RNGTT: variants seen among roughly 807,000 people sequenced by gnomAD.
RNGTT encodes the protein RNA guanylyltransferase and 5'-phosphatase.
RNGTT carries 33 observed loss-of-function variants against 79.3 expected under a neutral mutation model. The ratio of observed to expected loss-of-function variants is 0.42; its 90% CI spans 0.32 to 0.56. RNGTT has a LOEUF of 0.56. Among genes scored for constraint, RNGTT ranks in the 20% least tolerant of loss-of-function variants. The probability of loss-of-function intolerance (pLI) is 0.17; values close to 1 mark genes in which losing one functional copy is unlikely to be tolerated. For missense variants in RNGTT, 497 were observed against 739.1 expected, an observed-to-expected ratio of 0.67 and a Z score of 3.80; for synonymous variants, 222 against 235.9, an observed-to-expected ratio of 0.94 and a Z score of 0.54.
intron 11 of RNGTT, among the ~76,000 whole-genome samples, chr6:88,839,443 G>C (rs1220654244): frequency 6.6e-6 from 1 of 151,974 alleles, no homozygotes; most frequent in African/African-American, 2.4e-5. Context: ...GGTGGTTCCG[G>C]TCTATAGTTC....
intron 13 of RNGTT, among the ~76,000 whole-genome samples, chr6:88,711,712 C>G (rs1048020561): frequency 1.3e-5 from 2 of 152,164 alleles, no homozygotes; most frequent in Non-Finnish European, 2.9e-5. Context: ...AATACATGAA[C>G]ATAGCAACCA....
intron 13 of RNGTT, among the ~76,000 whole-genome samples, chr6:88,710,762 G>A (rs1347621763): frequency 6.6e-6 from 1 of 152,034 alleles, no homozygotes; most frequent in Non-Finnish European, 1.5e-5. Context: ...AATGACAAAT[G>A]CTCTCTTTTT....
chr6:88,890,359 T>C (rs1783003984), intron 8 of RNGTT, 136 bp downstream of exon 8: 2 of 612,638 alleles, frequency 3.3e-6, no homozygotes, highest in East Asian at 2.9e-5. Flanking sequence ...ACCAAAAATA[T>C]ATAATTTTTG....
At chr6:88,655,605 C>T (rs1019176144) in intron 14 of RNGTT, among the ~76,000 whole-genome samples, 1 of 151,638 alleles carries the variant, frequency 6.6e-6, no homozygotes, top group Non-Finnish European at 1.5e-5. Flanking sequence ...AAATAACTGC[C>T]TTAAAAAAAA....
In RNGTT at chr6:88,636,458, G is replaced by T. The variant is rs564577571; in HGVS notation, c.1507-22063C>A. On this transcript the variant is annotated intron_variant, in intron 14 of 15. Coordinates refer to ENST00000369485, the MANE Select transcript of RNGTT (RefSeq NM_003800.5). ...TAACTCAGGCAGCTAGTCATGGAAG[G>T]TTTCAAACTTACTTCCTCTTACTCC... Among the ~76,000 whole-genome samples, 126 of 152,058 alleles carry T rather than the reference G, an allele frequency of 8.3e-4. 4 individuals carry two copies. In the South Asian group the frequency reaches 0.026, roughly 31 times the overall value.
chr6:88,905,979 T>C (rs1427245230), intron 5 of RNGTT, among the ~76,000 whole-genome samples: 1 of 151,980 alleles, frequency 6.6e-6, no homozygotes, highest in Non-Finnish European at 1.5e-5. Context: ...ACCTCCTCAC[T>C]AGACAAAAAA....
At chr6:88,710,737 A>G (rs1349899463) in intron 13 of RNGTT, among the ~76,000 whole-genome samples, 1 of 152,234 alleles carries the variant, frequency 6.6e-6, no homozygotes, top group Non-Finnish European at 1.5e-5. Flanking sequence ...CAGTGAAAAT[A>G]AAATTTTATA....
At position 88,705,259 on chromosome 6, in the gene RNGTT, G is replaced by C. The variant is rs560219390; in HGVS notation, c.1440-26840C>G. ...CATGGCAGGTGATCAATGGTTGCTC[G>C]GTAGATAAGAAAAAGCAACACAAAC... On this transcript the variant is annotated intron_variant, in intron 13 of 15. Transcript: ENST00000369485. 1.1e-3 allele frequency among the ~76,000 whole-genome samples: 172 copies of C among 152,136 alleles called. 5 individuals are homozygous for C. Among genetic ancestry groups the C allele is most frequent in the African/African-American group, 4.0e-3 (166 of 41,510 alleles).
At chr6:88,642,852 T>G (rs1773375421) in intron 14 of RNGTT, among the ~76,000 whole-genome samples, 2 of 152,340 alleles carry the variant, frequency 1.3e-5, no homozygotes, top group Admixed American at 1.3e-4. Flanking sequence ...AAAAATACTT[T>G]TTCTTCTATA....
At chr6:88,921,231 G>A (rs1784154607) in intron 4 of RNGTT, among the ~76,000 whole-genome samples, 1 of 151,788 alleles carries the variant, frequency 6.6e-6, no homozygotes. Context: ...TTTGTGATGT[G>A]GCAAAGGTTA....
intron 12 of RNGTT, among the ~76,000 whole-genome samples, chr6:88,770,699 A>C (rs1778625657): frequency 6.6e-6 from 1 of 152,206 alleles, no homozygotes; most frequent in Non-Finnish European, 1.5e-5. Context: ...TAGCTTTGTA[A>C]GAACTGTCAA....
chr6:88,789,076 A>T (rs1162558838), intron 12 of RNGTT, among the ~76,000 whole-genome samples: 1 of 152,210 alleles, frequency 6.6e-6, no homozygotes, highest in Non-Finnish European at 1.5e-5. Flanking sequence ...CATCATCTTA[A>T]TATAGTATTT....
At chr6:88,617,252 A>AG (rs1360709987) in intron 14 of RNGTT, among the ~76,000 whole-genome samples, 1 of 152,236 alleles carries the variant, frequency 6.6e-6, no homozygotes, top group Non-Finnish European at 1.5e-5. Context: ...CCTGGGCAAG[A>AG]GAGGGAGACT....
At chr6:88,737,762 A>T (rs565596021) in intron 13 of RNGTT, among the ~76,000 whole-genome samples, 1 of 152,220 alleles carries the variant, frequency 6.6e-6, no homozygotes, top group Admixed American at 6.5e-5. Context: ...TTGAAATTTC[A>T]GTCTCTAGAA....
chr6:88,785,118 T>G (rs1240466099), intron 12 of RNGTT, among the ~76,000 whole-genome samples: 1 of 152,104 alleles, frequency 6.6e-6, no homozygotes, highest in Non-Finnish European at 1.5e-5. Flanking sequence ...CATAAGTTAT[T>G]AATAAAAAGA....
chr6:88,819,439 T>C (rs146382264), intron 11 of RNGTT, among the ~76,000 whole-genome samples: 2 of 152,180 alleles, frequency 1.3e-5, no homozygotes, highest in Non-Finnish European at 2.9e-5. Context: ...AATAAACACA[T>C]GTGCCACAAA....
chr6:88,934,072 C>G (rs1419839741), intron 2 of RNGTT, among the ~76,000 whole-genome samples: 1 of 152,080 alleles, frequency 6.6e-6, no homozygotes, highest in Non-Finnish European at 1.5e-5. Context: ...CTCTGCCACC[C>G]AGGCTGGAGT....
intron 10 of RNGTT, among the ~76,000 whole-genome samples, chr6:88,847,615 T>C (rs1781527511): frequency 6.6e-6 from 1 of 152,108 alleles, no homozygotes; most frequent in Admixed American, 6.5e-5. Context: ...TCATAAAATA[T>C]GGTAATAGGC....
At chr6:88,642,054 T>C (rs1158911040) in intron 14 of RNGTT, among the ~76,000 whole-genome samples, 1 of 151,120 alleles carries the variant, frequency 6.6e-6, no homozygotes, top group South Asian at 2.1e-4. Flanking sequence ...AGAGAGAAAA[T>C]AGGAATGTAA....
Sources: allele counts gnomAD v4.1 joint callset (sites outside exome capture counted in the v4.1 genomes callset), GRCh38; gene constraint gnomAD v4.1.1; transcripts MANE v1.5; gene names NCBI Gene and HGNC (gene_info 2026-07-23, HGNC 2026-07-21).